Variants in PTPRK observed in about 807,000 individuals in gnomAD.
The protein encoded by PTPRK is protein tyrosine phosphatase receptor type K.
Under a neutral mutation model 178.0 loss-of-function variants are expected in PTPRK, and 75 were observed. That is an observed-to-expected ratio of 0.42 (90% confidence interval 0.35 to 0.51). The LOEUF is 0.51. PTPRK is among the 20% of genes least tolerant of loss of function. PTPRK has a pLI of 0.02. For synonymous variants in PTPRK, 637 were observed against 620.6 expected, an observed-to-expected ratio of 1.03 and a Z score of -0.39; for missense variants, 1,441 against 1,797.8, an observed-to-expected ratio of 0.80 and a Z score of 3.59.
At chr6:128,070,980 G>GA (rs888071546) in intron 11 of PTPRK, among the ~76,000 whole-genome samples, 24 of 151,468 alleles carry the variant, frequency 1.6e-4, no homozygotes, top group African/African-American at 5.6e-4. Context: ...TTTTTCACCT[G>GA]AAAAATCCCG....
At chr6:128,104,762 G>A (rs185246224) in intron 7 of PTPRK, among the ~76,000 whole-genome samples, 1 of 152,300 alleles carries the variant, frequency 6.6e-6, no homozygotes, top group Admixed American at 6.5e-5. Context: ...TTAAACAACT[G>A]ACCAGGGTAA....
At chr6:128,011,754 T>C (rs1000631992) in intron 13 of PTPRK, among the ~76,000 whole-genome samples, 3 of 151,182 alleles carry the variant, frequency 2.0e-5, no homozygotes, top group Non-Finnish European at 3.0e-5. Flanking sequence ...GGTTAATGAA[T>C]TCATGTAAAC....
chr6:128,268,421 A>G (rs1036007586), intron 3 of PTPRK, among the ~76,000 whole-genome samples: 2 of 152,052 alleles, frequency 1.3e-5, no homozygotes, highest in African/African-American at 4.8e-5. Flanking sequence ...AAAATGCAGA[A>G]AAAGTGAGAG....
chr6:128,108,806 T>C (rs1482452250), intron 7 of PTPRK, among the ~76,000 whole-genome samples: 1 of 152,106 alleles, frequency 6.6e-6, no homozygotes, highest in East Asian at 1.9e-4. Flanking sequence ...CAAGGGCAGG[T>C]TCTGATGAGG....
intron 6 of PTPRK, among the ~76,000 whole-genome samples, chr6:128,185,330 A>T (rs1295123992): frequency 6.6e-6 from 1 of 152,110 alleles, no homozygotes; most frequent in Non-Finnish European, 1.5e-5. Flanking sequence ...CAACTATTAA[A>T]CTCAAATATC....
In PTPRK at chr6:127,990,358, C is replaced by T. The variant is rs564384471; in HGVS notation, c.3096+411G>A. On this transcript the variant is annotated intron_variant, in intron 21 of 29. Transcript: ENST00000368226. The stretch of plus-strand genomic sequence containing the variant: ...CTGGACATAACCCGTCACTCCCTCA[C>T]TTATTTCAGGTCTCTACTCATATTA... Among the ~76,000 whole-genome samples, 3 of 152,208 alleles carry T rather than the reference C, an allele frequency of 2.0e-5. No individual in the cohort carries two copies. The South Asian group carries it at 6.2e-4, about 32-fold the overall frequency.
chr6:128,326,470 T>A (rs1339189), intron 2 of PTPRK, among the ~76,000 whole-genome samples: 1 of 152,028 alleles, frequency 6.6e-6, no homozygotes. Flanking sequence ...TATTCAATAA[T>A]CAGTAATTTG....
At position 128,384,754 on chromosome 6, in the gene PTPRK, A is replaced by AT. The variant is rs1320791217; in HGVS notation, c.223+12811dup. Among the ~76,000 whole-genome samples, 8 of 152,072 alleles carry AT rather than the reference A, an allele frequency of 5.3e-5. No individual in the cohort carries two copies. The East Asian group carries it at 1.3e-3, about 26-fold the overall frequency. On this transcript the variant is annotated intron_variant, in intron 2 of 29. Transcript: ENST00000368226. ...ATAAATTATTTGGTGACCAGAAAAA[A>AT]TTTTTATTTTTTTTTTAAAGCTTTT...
intron 7 of PTPRK, among the ~76,000 whole-genome samples, chr6:128,156,852 T>C (rs1295357753): frequency 6.6e-6 from 1 of 152,028 alleles, no homozygotes; most frequent in Non-Finnish European, 1.5e-5. Context: ...TCTGTCACAC[T>C]GGCAGTATAG....
chr6:128,327,506 T>C (rs1829737979), intron 2 of PTPRK, among the ~76,000 whole-genome samples: 1 of 152,162 alleles, frequency 6.6e-6, no homozygotes, highest in Admixed American at 6.6e-5. Flanking sequence ...GACAGACCCC[T>C]CATTATTTTC....
chr6:128,408,365 G>A (rs1040303832), intron 1 of PTPRK, among the ~76,000 whole-genome samples: 2 of 152,136 alleles, frequency 1.3e-5, no homozygotes, highest in East Asian at 3.9e-4. Flanking sequence ...TCCAGCCTGA[G>A]CGACAGAGCA....
In PTPRK at chr6:128,520,338, C is replaced by T. The variant is rs1858865700; in HGVS notation, c.21G>A (p.Ala7=). 1 of 1,608,560 alleles carries T rather than the reference C, an allele frequency of 6.2e-7. No individual in the cohort carries two copies. Residue 7 remains alanine (A), a synonymous_variant, in exon 1 of 30, where the codon GCG becomes GCA. Coordinates refer to ENST00000368226, the MANE Select transcript of PTPRK (RefSeq NM_002844.4). MDTTAA[A]ALPAFVALLL... is the part of the protein sequence containing the mutation. ...AGAGCGCCACAAAAGCAGGCAGCGC[C>T]GCCGCCGCAGTCGTATCCATGCCGA...
At chr6:128,318,672 A>G (rs1219733761) in intron 3 of PTPRK, among the ~76,000 whole-genome samples, 1 of 152,202 alleles carries the variant, frequency 6.6e-6, no homozygotes, top group Non-Finnish European at 1.5e-5. Context: ...TGCCTCATTT[A>G]GTAACAACCT....
intron 7 of PTPRK, among the ~76,000 whole-genome samples, chr6:128,178,722 C>T (rs1801476300): frequency 6.6e-6 from 1 of 151,320 alleles, no homozygotes; most frequent in African/African-American, 2.4e-5. Flanking sequence ...TTCATGATCT[C>T]TCTGCTTCTA....
At chr6:128,406,663 G>T (rs780618296) in intron 1 of PTPRK, among the ~76,000 whole-genome samples, 41 of 152,132 alleles carry the variant, frequency 2.7e-4, no homozygotes, top group Non-Finnish European at 4.7e-4. Flanking sequence ...GGGGACCTTT[G>T]CTCCCTTTCT....
rs575314576 is a variant in PTPRK at position 128,414,899 on chromosome 6, C to A, written c.101-17211G>T. On this transcript the variant is annotated intron_variant, in intron 1 of 29. Transcript: ENST00000368226. ...TTTATTTACTATAAACATTCAATTT[C>A]ATTTAATATTTACAAACAAGGTCAA... 1.6e-4 allele frequency among the ~76,000 whole-genome samples: 25 copies of A among 152,156 alleles called. No homozygotes were observed. In the South Asian group the frequency reaches 4.8e-3, roughly 29 times the overall value.
chr6:128,044,048 A>G (rs1777632513), intron 13 of PTPRK, among the ~76,000 whole-genome samples: 1 of 151,996 alleles, frequency 6.6e-6, no homozygotes, highest in Non-Finnish European at 1.5e-5. Flanking sequence ...TGATAATTCT[A>G]TTTTCTAATA....
intron 13 of PTPRK, among the ~76,000 whole-genome samples, chr6:128,026,822 C>G (rs970497663): frequency 1.3e-5 from 2 of 152,120 alleles, no homozygotes; most frequent in Non-Finnish European, 2.9e-5. Flanking sequence ...ACACTCCAAC[C>G]AGTGTCCTAT....
chr6:127,970,277 G>A lies in PTPRK; in HGVS notation c.4273C>T (p.Gln1425Ter). The A allele has an allele frequency of 6.2e-7, 1 of 1,609,802 alleles. No homozygotes were observed. Among genetic ancestry groups the A allele is most frequent in the Non-Finnish European group, 8.5e-7 (1 of 1,177,436 alleles). ...SKPNMVEAPEQYRFCYDVALE... is the reference protein window; with the variant it reads ...SKPNMVEAPE ...GCTACATCATAGCAGAAACGGTATT[G>A]CTCCTGAAAGATGTCAAAACACAAA... Residue 1425 changes from glutamine (Q) to a stop codon, truncating the protein, a stop_gained, in exon 30 of 30, where the codon CAA becomes TAA. Transcript: ENST00000368226. LOFTEE classifies it high-confidence loss of function.
Sources: gnomAD v4.1 joint callset for allele counts (sites outside exome capture counted in the v4.1 genomes callset) on GRCh38, gnomAD v4.1.1 for gene constraint, MANE v1.5 for transcripts, NCBI Gene and HGNC (gene_info 2026-07-23, HGNC 2026-07-21) for gene names.